Variants in RBFOX1 observed in about 807,000 individuals in gnomAD.
The protein encoded by RBFOX1 is RNA binding protein fox-1 homolog 1.
In RBFOX1, 8 loss-of-function variants were observed where a neutral mutation model predicts 57.7. The ratio of observed to expected loss-of-function variants is 0.14; its 90% CI spans 0.08 to 0.25. RBFOX1 has a LOEUF of 0.25. Ranked by LOEUF, RBFOX1 falls within the 10% of genes least tolerant of loss-of-function variation. The pLI is 1.00. For missense variants in RBFOX1, 611 were observed against 548.5 expected, an observed-to-expected ratio of 1.11 and a Z score of -1.14; for synonymous variants, 326 against 222.4, an observed-to-expected ratio of 1.47 and a Z score of -4.15.
chr16:6,647,396 C>T (rs558124463), intron 2 of RBFOX1, among the ~76,000 whole-genome samples: 2 of 152,150 alleles, frequency 1.3e-5, no homozygotes, highest in African/African-American at 2.4e-5. Context: ...AGATGCCCAC[C>T]ACCATGCCTG....
At chr16:7,701,631 C>A (rs1282900658) in intron 14 of RBFOX1, among the ~76,000 whole-genome samples, 1 of 152,076 alleles carries the variant, frequency 6.6e-6, no homozygotes, top group African/African-American at 2.4e-5. Context: ...GGTTTAGTTC[C>A]TCCAACTTCA....
In RBFOX1 at chr16:6,097,246, T is replaced by G. The variant is rs2096256362; in HGVS notation, c.-127+77254T>G. ...GGAACTGTGAGTCCATTAAACTTCT[T>G]TTTGTTTATAAATTACTCAGTCTCA... is the stretch of plus-strand genomic sequence containing the variant. On this transcript the variant is annotated intron_variant, in intron 1 of 15. Transcript: ENST00000550418. This position sits in a 1 kb window ranked among gnomAD's most constrained non-coding sequence, Gnocchi z 5.0. Among the ~76,000 whole-genome samples, 1 of 152,190 alleles carries G rather than the reference T, an allele frequency of 6.6e-6. No individual in the cohort carries two copies. Among genetic ancestry groups the G allele is most frequent in the South Asian group, 2.1e-4 (1 of 4,838 alleles).
intron 4 of RBFOX1, among the ~76,000 whole-genome samples, chr16:7,415,903 C>A (rs2098473351): frequency 6.6e-6 from 1 of 152,054 alleles, no homozygotes; most frequent in Admixed American, 6.6e-5. Context: ...ACTTTGGGCC[C>A]AGTTACGCTT....
chr16:5,667,524 C>G (rs1567370953), intron 3 of RBFOX1, among the ~76,000 whole-genome samples: 2 of 152,150 alleles, frequency 1.3e-5, no homozygotes, highest in Non-Finnish European at 2.9e-5. Context: ...TGAGCGAGGT[C>G]CATTAGTTCA....
At chr16:6,089,123 G>C (rs1162889047) in intron 1 of RBFOX1, among the ~76,000 whole-genome samples, 1 of 151,086 alleles carries the variant, frequency 6.6e-6, no homozygotes, top group East Asian at 1.9e-4. Flanking sequence ...TGATATTAAA[G>C]AGTAATGATG....
intron 4 of RBFOX1, among the ~76,000 whole-genome samples, chr16:7,456,149 A>G (rs932332412): frequency 4.6e-5 from 7 of 152,260 alleles, no homozygotes; most frequent in Middle Eastern, 6.8e-3. Context: ...TTATGTGGCC[A>G]ATCCTGATTA....
intron 3 of RBFOX1, 109 bp from the exon 4 acceptor site, chr16:7,051,947 AT>A (rs1471642733): frequency 6.8e-7 from 1 of 1,468,750 alleles, no homozygotes; most frequent in Non-Finnish European, 9.2e-7. Context: ...TAATTAATTA[AT>A]TATGGGTTTT....
chr16:6,867,532 A>C lies in RBFOX1; in HGVS notation c.-15-184525A>C, dbSNP rs188629566. ...TCAGGAGTTCGAGATCAGCCTGGCC[A>C]ACATGGCAAAACCTCATCTCTACTA... On this transcript the variant is annotated intron_variant, in intron 3 of 15. Transcript: ENST00000550418. Among the ~76,000 whole-genome samples the C allele has an allele frequency of 6.0e-4, 92 of 152,266 alleles. No individual in the cohort carries two copies. The East Asian group carries it at 0.017, about 28-fold the overall frequency.
At chr16:7,348,889 C>G (rs1247451132) in intron 4 of RBFOX1, among the ~76,000 whole-genome samples, 2 of 152,034 alleles carry the variant, frequency 1.3e-5, no homozygotes, top group Non-Finnish European at 2.9e-5. Flanking sequence ...TTTCAGTGAG[C>G]CAAGATTACG....
chr16:7,234,754 G>A (rs990774730), intron 4 of RBFOX1, among the ~76,000 whole-genome samples: 2 of 151,170 alleles, frequency 1.3e-5, no homozygotes, highest in Non-Finnish European at 2.9e-5. Flanking sequence ...TGTGCTGAAC[G>A]GAGAAGTCAG....
At chr16:6,104,962 A>G (rs2096360963) in intron 1 of RBFOX1, among the ~76,000 whole-genome samples, 1 of 152,174 alleles carries the variant, frequency 6.6e-6, no homozygotes, top group South Asian at 2.1e-4. Context: ...AGCCTGAACT[A>G]CTCACATGCC....
rs142586163 is a variant in RBFOX1 at position 6,617,289 on chromosome 16, G to T, written c.-63-37314G>T. On this transcript the variant is annotated intron_variant, in intron 2 of 15. Transcript: ENST00000550418. ...CTAGAGTGTGAAGGAAAGGGAACCT[G>T]ATCTTCCTGCTTGGAGGTCTACAAA... Among the ~76,000 whole-genome samples the T allele has an allele frequency of 4.7e-3, 712 of 152,020 alleles. 6 individuals carry two copies. The highest frequency in any genetic ancestry group is 0.016 in the African/African-American group (657 of 41,458).
intron 3 of RBFOX1, among the ~76,000 whole-genome samples, chr16:5,781,311 C>T (rs9933150): frequency 0.15 from 22,446 of 152,140 alleles, 1,751 homozygotes; most frequent in South Asian, 0.2. Context: ...CCATAGCCTC[C>T]TCCTCTTGAC....
At chr16:5,443,699 C>T (rs1435623770) in intron 1 of RBFOX1, among the ~76,000 whole-genome samples, 1 of 152,190 alleles carries the variant, frequency 6.6e-6, no homozygotes, top group Non-Finnish European at 1.5e-5. Flanking sequence ...CTAATATTTA[C>T]TGAGTGTTTA....
intron 4 of RBFOX1, among the ~76,000 whole-genome samples, chr16:7,440,906 G>A (rs2098760924): frequency 6.6e-6 from 1 of 152,142 alleles, no homozygotes. Context: ...TGGCATGGTT[G>A]TGCACAAATG....
intron 2 of RBFOX1, among the ~76,000 whole-genome samples, chr16:6,621,304 AC>A (rs2098227230): frequency 7.4e-6 from 1 of 135,868 alleles, no homozygotes; most frequent in Admixed American, 7.3e-5. Context: ...TACTAAAAAT[AC>A]AAAAAAAAAT....
chr16:5,809,726 G>A (rs1382128849), intron 3 of RBFOX1, among the ~76,000 whole-genome samples: 3 of 152,162 alleles, frequency 2.0e-5, no homozygotes, highest in African/African-American at 4.8e-5. Flanking sequence ...CACTGTTGGT[G>A]GGACAGTAAA....
intron 3 of RBFOX1, among the ~76,000 whole-genome samples, chr16:6,767,947 T>TAATAAAG (rs1410744665): frequency 2.3e-4 from 23 of 101,044 alleles, no homozygotes; most frequent in East Asian, 1.8e-3. Context: ...ATAATAATAA[T>TAATAAAG]AAGAAGAAGA....
chr16:6,694,431 G>C (rs1428079812), intron 3 of RBFOX1, among the ~76,000 whole-genome samples: 1 of 152,214 alleles, frequency 6.6e-6, no homozygotes, highest in Middle Eastern at 3.2e-3. Flanking sequence ...GTCTTACCAT[G>C]TGAACATTTC....
Sources: allele counts gnomAD v4.1 joint callset (sites outside exome capture counted in the v4.1 genomes callset), GRCh38; gene constraint gnomAD v4.1.1; non-coding constraint Gnocchi (gnomAD v3.1); transcripts MANE v1.5; gene names NCBI Gene and HGNC (gene_info 2026-07-23, HGNC 2026-07-21).